The following MED24 variants were observed in gnomAD, a reference collection of about 807,000 sequenced individuals.
MED24 encodes mediator of RNA polymerase II transcription subunit 24.
In MED24, 74 loss-of-function variants were observed where a neutral mutation model predicts 118.8. The ratio of observed to expected loss-of-function variants is 0.62; its 90% CI spans 0.52 to 0.76. The LOEUF is 0.76. Among genes scored for constraint, MED24 ranks in the 30% least tolerant of loss-of-function variants. MED24 has a pLI of 0.00. For synonymous variants in MED24, 521 were observed against 523.9 expected (o/e 0.99, Z 0.08); for missense variants, 1,041 against 1,278.9 (o/e 0.81, Z 2.84).
chr17:40,026,919 G>C lies in MED24; in HGVS notation c.1646C>G (p.Pro549Arg). The C allele has an allele frequency of 6.2e-7, 1 of 1,614,130 alleles. No individual in the cohort carries two copies. The highest frequency in any genetic ancestry group is 8.5e-7 in the Non-Finnish European group (1 of 1,180,026). Reference protein sequence around the residue: ...ILNPDHPCFRPDSTKVESLVA... With the variant: ...ILNPDHPCFRRDSTKVESLVA... ...CAGGGACTCCACTTTGGTGGAGTCG[G>C]GGCGGAAGCAGGGGTGGTCAGGGTT... The change falls in exon 17 of 26, where the codon CCC becomes CGC. Residue 549 changes from proline (P) to arginine (R), a missense_variant. Transcript: ENST00000394128.
At chr17:40,028,709 A>T in intron 14 of MED24, 117 bp downstream of exon 14, 1 of 1,409,286 alleles carries the variant, frequency 7.1e-7, no homozygotes, top group Non-Finnish European at 9.7e-7. Context: ...TGCTCTGCCT[A>T]GGCCCGTGGG....
At position 40,051,199 on chromosome 17, in the gene MED24, T is replaced by C. The variant is rs1230346372; in HGVS notation, c.213+2099A>G. On this transcript the variant is annotated intron_variant, in intron 3 of 25. Coordinates refer to ENST00000394128, the MANE Select transcript of MED24 (RefSeq NM_014815.4). The stretch of plus-strand genomic sequence containing the variant: ...GGTGGTGGGCGCCTGTAATCCCAGC[T>C]ACTTGGGAGGCTGAGGCAGGACAAT... Among the ~76,000 whole-genome samples the C allele has an allele frequency of 2.0e-5, 3 of 148,816 alleles. No individual in the cohort carries two copies. The East Asian group carries it at 6.0e-4, about 30-fold the overall frequency.
chr17:40,020,065 G>A (rs1406954574), intron 24 of MED24, 132 bp from the exon 25 acceptor site: 17 of 1,218,338 alleles, frequency 1.4e-5, no homozygotes, highest in Admixed American at 2.0e-5. Context: ...GGGTGTCAGA[G>A]AGAGAAAATA....
At chr17:40,041,420 T>C (rs528278632) in intron 3 of MED24, among the ~76,000 whole-genome samples, 1 of 152,316 alleles carries the variant, frequency 6.6e-6, no homozygotes, top group East Asian at 1.9e-4. Context: ...TTGCTCACTC[T>C]CCCTGCTGTC....
At chr17:40,027,680 C>T in intron 15 of MED24, 1 of 665,308 alleles carries the variant, frequency 1.5e-6, no homozygotes, top group East Asian at 2.7e-5. Context: ...CATACCTAAC[C>T]AAGTCGTAAA....
At chr17:40,029,059 T>G in intron 13 of MED24, 91 bp from the exon 14 acceptor site, 1 of 1,533,134 alleles carries the variant, frequency 6.5e-7, no homozygotes, top group Non-Finnish European at 8.9e-7. Flanking sequence ...CTTCACAACC[T>G]GGAATGTAAT....
In MED24 at chr17:40,026,306, T is replaced by C; in HGVS notation, c.1835A>G (p.Lys612Arg). 6.2e-7 allele frequency: 1 copy of C among 1,614,046 alleles called. No individual in the cohort carries two copies. Among genetic ancestry groups the C allele is most frequent in the Non-Finnish European group, 8.5e-7 (1 of 1,179,966 alleles). The change falls in exon 19 of 26, where the codon AAG becomes AGG. Residue 612 changes from lysine to arginine, a missense_variant. Coordinates refer to ENST00000394128, the MANE Select transcript of MED24 (RefSeq NM_014815.4). The stretch of plus-strand genomic sequence containing the variant: ...AGCACACACCGCCAGACTGCATACC[T>C]TCCCTTTGATGTTATCAGTGATTTT... ...IQKITDNIKG[K>R]VCSLAVCAVA...
chr17:40,030,813 C>T (rs1304619452), intron 12 of MED24, among the ~76,000 whole-genome samples: 2 of 152,068 alleles, frequency 1.3e-5, no homozygotes, highest in Admixed American at 6.6e-5. Flanking sequence ...CACACACCAC[C>T]ACGCCCAGCT....
intron 22 of MED24, 72 bp downstream of exon 22, chr17:40,022,321 TG>T: frequency 6.8e-7 from 1 of 1,469,478 alleles, no homozygotes. Context: ...TCCCTTTGCC[TG>T]GGGAATCCTT....
In MED24 at chr17:40,038,348, T is replaced by C. The variant is rs1984182439; in HGVS notation, c.214-2194A>G. 3.9e-5 allele frequency among the ~76,000 whole-genome samples: 6 copies of C among 152,252 alleles called. No individual in the cohort carries two copies. The South Asian group carries it at 1.2e-3, about 32-fold the overall frequency. ...AATTTCTGTTAGTAAAACCTATTCA[T>C]CACCATCATAAGACTGGATATCTAG... is the stretch of plus-strand genomic sequence containing the variant. On this transcript the variant is annotated intron_variant, in intron 3 of 25. Transcript: ENST00000394128.
Position 40,046,009 on chromosome 17 carries a change from C to A in MED24, c.213+7289G>T, listed in dbSNP as rs560119852. Among the ~76,000 whole-genome samples the A allele has an allele frequency of 3.3e-5, 5 of 151,896 alleles. No individual in the cohort carries two copies. The East Asian group carries it at 5.8e-4, about 18-fold the overall frequency. On this transcript the variant is annotated intron_variant, in intron 3 of 25. Transcript: ENST00000394128. ...GGCCAGGATGGTCTCGGTCTCCTGA[C>A]CTCATGATCCACCCGCCTCGGCCTC... is the stretch of plus-strand genomic sequence containing the variant.
intron 3 of MED24, among the ~76,000 whole-genome samples, chr17:40,041,454 A>G (rs1458907127): frequency 6.6e-6 from 1 of 152,196 alleles, no homozygotes; most frequent in Non-Finnish European, 1.5e-5. Flanking sequence ...ATCCATGCCC[A>G]TAGCTTTGAT....
intron 12 of MED24, 34 bp from the exon 13 acceptor site, chr17:40,029,893 G>A (rs1983162488): frequency 1.3e-6 from 2 of 1,585,740 alleles, no homozygotes; most frequent in Middle Eastern, 1.7e-4. Flanking sequence ...AGGAAGGGAA[G>A]AGGAATGAAG....
chr17:40,036,461 C>T (rs567645576), intron 3 of MED24, among the ~76,000 whole-genome samples: 1 of 152,222 alleles, frequency 6.6e-6, no homozygotes, highest in South Asian at 2.1e-4. Context: ...GAGGCCGAGG[C>T]GGGCGGATCA....
chr17:40,019,119 C>T lies in MED24; in HGVS notation c.*410G>A, dbSNP rs971652295. ...CAGTCACAAAGGGAGCCACGAGGAGCTTTATTTATACATGAACGAAGGTAG... is the reference window on the plus strand; with the variant it reads ...CAGTCACAAAGGGAGCCACGAGGAGTTTTATTTATACATGAACGAAGGTAG... On this transcript the variant is annotated 3_prime_UTR_variant, in exon 26 of 26. Coordinates refer to ENST00000394128, the MANE Select transcript of MED24 (RefSeq NM_014815.4). 5.9e-6 allele frequency: 1 copy of T among 169,258 alleles called. No individual in the cohort carries two copies. The highest frequency in any genetic ancestry group is 2.4e-5 in the African/African-American group (1 of 41,686). The allele number at this position is 169,258 out of a possible 1,614,324, so 10.5% of individuals were successfully genotyped here.
rs757904280 is a variant in MED24 at position 40,031,595 on chromosome 17, G to T, written c.1010C>A (p.Ala337Asp). The change falls in exon 11 of 26, where the codon GCT becomes GAT. Residue 337 changes from alanine to aspartate, a missense_variant. This residue lies in a region of MED24 where 434 missense variants were observed against 514.9 expected (regional missense o/e 0.84). Transcript: ENST00000394128. ...GGTGAGCTTCAGCAGGAACTCAAAA[G>T]CACAGTTGACATCCTCAGTGAAGTC... ...DKDFTEDVNC[A>D]FEFLLKLTPL... is the part of the protein sequence containing the mutation. 1 of 1,614,028 alleles carries T rather than the reference G, an allele frequency of 6.2e-7. No homozygotes were observed. Among genetic ancestry groups the T allele is most frequent in the Non-Finnish European group, 8.5e-7 (1 of 1,179,998 alleles).
chr17:40,043,771 A>G (rs1035229103), intron 3 of MED24, among the ~76,000 whole-genome samples: 3 of 151,762 alleles, frequency 2.0e-5, no homozygotes, highest in African/African-American at 7.3e-5. Flanking sequence ...GGCGCCTGTA[A>G]TCCCAGCTAC....
chr17:40,035,235 C>T lies in MED24; in HGVS notation c.441G>A (p.Glu147=). 6.2e-7 allele frequency: 1 copy of T among 1,613,888 alleles called. No individual in the cohort carries two copies. Among genetic ancestry groups the T allele is most frequent in the East Asian group, 2.2e-5 (1 of 44,874 alleles). ...ASAERLREGL[E]AGTPAAGEKQ... Reference sequence around the variant, plus strand: ...TCTCCCCAGCGGCTGGAGTGCCGGCCTCCAGCCCCTCCCGCAGCCGCTCTG... The same window carrying T: ...TCTCCCCAGCGGCTGGAGTGCCGGCTTCCAGCCCCTCCCGCAGCCGCTCTG... Residue 147 remains glutamate, a synonymous_variant, in exon 6 of 26, where the codon GAG becomes GAA. Coordinates refer to ENST00000394128, the MANE Select transcript of MED24 (RefSeq NM_014815.4).
intron 3 of MED24, among the ~76,000 whole-genome samples, chr17:40,046,931 A>G (rs1203994560): frequency 6.6e-6 from 1 of 151,960 alleles, no homozygotes; most frequent in Non-Finnish European, 1.5e-5. Flanking sequence ...ACATAGGAAG[A>G]TCCCATCTTT....
Sources: allele counts gnomAD v4.1 joint callset (sites outside exome capture counted in the v4.1 genomes callset), GRCh38; gene constraint gnomAD v4.1.1; regional missense constraint gnomAD v4.1.1; transcripts MANE v1.5; gene names NCBI Gene and HGNC (gene_info 2026-07-23, HGNC 2026-07-21).